The following DIAPH3 variants were observed in gnomAD, a reference collection of about 807,000 sequenced individuals.
DIAPH3 encodes protein diaphanous homolog 3.
In DIAPH3, 117 loss-of-function variants were observed where a neutral mutation model predicts 144.3. That is an observed-to-expected ratio of 0.81 (90% CI 0.70 to 0.95). The LOEUF is 0.95. Ranked by LOEUF, DIAPH3 falls within the 40% of genes least tolerant of loss-of-function variation. The pLI is 0.00. For synonymous variants in DIAPH3, 519 were observed against 488.9 expected, an observed-to-expected ratio of 1.06 and a Z score of -0.81; for missense variants, 1,421 against 1,412.7, an observed-to-expected ratio of 1.01 and a Z score of -0.09.
chr13:59,876,963 T>G (rs1050961183), intron 21 of DIAPH3, among the ~76,000 whole-genome samples: 1 of 152,034 alleles, frequency 6.6e-6, no homozygotes, highest in Non-Finnish European at 1.5e-5. Flanking sequence ...CCAGCACACC[T>G]TGACAACTCC....
chr13:59,679,645 A>G (rs1024866179), intron 27 of DIAPH3, among the ~76,000 whole-genome samples: 3 of 152,238 alleles, frequency 2.0e-5, no homozygotes, highest in Non-Finnish European at 2.9e-5. Flanking sequence ...TAGTTGTTCC[A>G]TTTCACATAC....
chr13:60,010,711 G>A, intron 7 of DIAPH3, 42 bp from the exon 8 acceptor site: 1 of 1,587,076 alleles, frequency 6.3e-7, no homozygotes, highest in South Asian at 1.1e-5. Flanking sequence ...TTAGAAATTA[G>A]TTAGAAAAAT....
At chr13:59,707,282 T>C (rs1566202210) in intron 27 of DIAPH3, among the ~76,000 whole-genome samples, 1 of 152,192 alleles carries the variant, frequency 6.6e-6, no homozygotes, top group Admixed American at 6.5e-5. Flanking sequence ...AGAATATGGA[T>C]TGACCAGCAA....
At chr13:60,034,639 TG>T (rs749603110) in intron 5 of DIAPH3, 1 of 152,226 alleles carries the variant, frequency 6.6e-6, no homozygotes, top group Non-Finnish European at 1.5e-5. Flanking sequence ...ATATTGATGC[TG>T]AACTTAGTGT....
chr13:59,953,212 G>A (rs2049192641), intron 17 of DIAPH3, among the ~76,000 whole-genome samples: 1 of 152,108 alleles, frequency 6.6e-6, no homozygotes, highest in Admixed American at 6.6e-5. Flanking sequence ...GTTCCTGGCA[G>A]GGAAAAGCCC....
chr13:59,913,803 C>T (rs551740786), intron 19 of DIAPH3, among the ~76,000 whole-genome samples: 24 of 151,914 alleles, frequency 1.6e-4, no homozygotes, highest in Non-Finnish European at 2.8e-4. Flanking sequence ...ACTAAAAATA[C>T]AAAAATTAGC....
At chr13:60,145,029 C>T (rs1285082222) in intron 1 of DIAPH3, among the ~76,000 whole-genome samples, 1 of 152,210 alleles carries the variant, frequency 6.6e-6, no homozygotes, top group Non-Finnish European at 1.5e-5. Context: ...ATCACTACTA[C>T]TACACCTTAC....
chr13:59,887,329 C>T (rs1429818305), intron 20 of DIAPH3, among the ~76,000 whole-genome samples: 1 of 151,964 alleles, frequency 6.6e-6, no homozygotes, highest in East Asian at 1.9e-4. Context: ...ACAACTTTTG[C>T]ATCTATGTTC....
At position 59,991,508 on chromosome 13, in the gene DIAPH3, T is replaced by C. The variant is rs375888531; in HGVS notation, c.1245-234A>G. On this transcript the variant is annotated intron_variant, in intron 11 of 27. Coordinates refer to ENST00000400324, the MANE Select transcript of DIAPH3 (RefSeq NM_001042517.2). Reference sequence around the variant, plus strand: ...TCAGTTCCAACTAATCTGTCTCCCCTAAGCACAGATGCTGTTGGGAACAAA... The same window carrying C: ...TCAGTTCCAACTAATCTGTCTCCCCCAAGCACAGATGCTGTTGGGAACAAA... 9.2e-5 allele frequency among the ~76,000 whole-genome samples: 14 copies of C among 151,960 alleles called. 1 individual carries two copies. The highest frequency in any genetic ancestry group is 5.9e-4 in the Admixed American group (9 of 15,224).
At chr13:60,066,848 A>C (rs2056987847) in intron 4 of DIAPH3, among the ~76,000 whole-genome samples, 1 of 152,248 alleles carries the variant, frequency 6.6e-6, no homozygotes, top group Non-Finnish European at 1.5e-5. Flanking sequence ...TCAATCATCA[A>C]TCTGATTTCA....
At chr13:60,014,687 T>G (rs1338724857) in intron 7 of DIAPH3, among the ~76,000 whole-genome samples, 1 of 152,128 alleles carries the variant, frequency 6.6e-6, no homozygotes, top group Non-Finnish European at 1.5e-5. Context: ...ATATTATAAT[T>G]AAAATTAATC....
At chr13:59,875,866 T>C (rs1371330242) in intron 21 of DIAPH3, among the ~76,000 whole-genome samples, 2 of 152,154 alleles carry the variant, frequency 1.3e-5, no homozygotes, top group East Asian at 1.9e-4. Flanking sequence ...TAGTTACTCA[T>C]TGCCATCCTG....
intron 4 of DIAPH3, among the ~76,000 whole-genome samples, chr13:60,088,593 CAGATAGGAA>C (rs1217162819): frequency 6.6e-6 from 1 of 152,052 alleles, no homozygotes; most frequent in Non-Finnish European, 1.5e-5. Flanking sequence ...TTCCTCTCAA[CAGATAGGAA>C]AGGTATAATG....
chr13:59,886,927 T>C (rs2045491349), intron 20 of DIAPH3, among the ~76,000 whole-genome samples: 1 of 152,042 alleles, frequency 6.6e-6, no homozygotes, highest in South Asian at 2.1e-4. Flanking sequence ...TAGTACATTA[T>C]AATGCTGAAA....
chr13:59,930,232 CTG>C (rs2047959452), intron 17 of DIAPH3, among the ~76,000 whole-genome samples: 2 of 152,078 alleles, frequency 1.3e-5, no homozygotes, highest in South Asian at 4.1e-4. Context: ...TAAAAAGAGA[CTG>C]TGTTAGGCAA....
intron 17 of DIAPH3, among the ~76,000 whole-genome samples, chr13:59,936,862 T>C (rs1444194289): frequency 1.3e-5 from 2 of 152,164 alleles, no homozygotes; most frequent in Non-Finnish European, 2.9e-5. Context: ...ACATGTATAT[T>C]CATAAAAATT....
intron 2 of DIAPH3, among the ~76,000 whole-genome samples, chr13:60,119,964 T>C (rs976309964): frequency 5.3e-5 from 8 of 151,974 alleles, no homozygotes; most frequent in African/African-American, 1.9e-4. Flanking sequence ...ATATAAAACA[T>C]AGTTACCATC....
intron 19 of DIAPH3, among the ~76,000 whole-genome samples, chr13:59,913,195 A>T (rs2047075851): frequency 6.6e-6 from 1 of 152,116 alleles, no homozygotes; most frequent in Admixed American, 6.5e-5. Flanking sequence ...ATATAATCAG[A>T]TTTTCATCTT....
chr13:60,137,849 G>A (rs1000777318), intron 1 of DIAPH3, among the ~76,000 whole-genome samples: 160 of 150,210 alleles, frequency 1.1e-3, no homozygotes, highest in African/African-American at 1.5e-3. Flanking sequence ...TCAGCCTCTC[G>A]AGTAGCTGGG....
Sources: gnomAD v4.1 joint callset for allele counts (sites outside exome capture counted in the v4.1 genomes callset) on GRCh38, gnomAD v4.1.1 for gene constraint, MANE v1.5 for transcripts, NCBI Gene and HGNC (gene_info 2026-07-23, HGNC 2026-07-21) for gene names.